INPP4B: variants seen among roughly 807,000 people sequenced by gnomAD.
INPP4B encodes inositol polyphosphate-4-phosphatase type II B, also known as inositol polyphosphate 4-phosphatase type II.
A neutral mutation model predicts 122.5 loss-of-function variants in INPP4B; 55 were observed. The ratio of observed to expected loss-of-function variants is 0.45; its 90% confidence interval spans 0.36 to 0.56. INPP4B has a LOEUF of 0.56. INPP4B is among the 20% of genes least tolerant of loss of function. The probability of loss-of-function intolerance (pLI) is 0.00; values close to 1 mark genes in which losing one functional copy is unlikely to be tolerated. For missense variants in INPP4B, 1,000 were observed against 1,097.7 expected (o/e 0.91, Z 1.26); for synonymous variants, 403 against 388.7 (o/e 1.04, Z -0.43).
intron 17 of INPP4B, among the ~76,000 whole-genome samples, chr4:142,149,766 T>C (rs1812806015): frequency 6.6e-6 from 1 of 152,302 alleles, no homozygotes; most frequent in African/African-American, 2.4e-5. Flanking sequence ...TAAGCAGGGA[T>C]AGAGCAGTCA....
At chr4:142,276,734 C>T (rs1367600379) in intron 9 of INPP4B, among the ~76,000 whole-genome samples, 2 of 151,854 alleles carry the variant, frequency 1.3e-5, no homozygotes, top group African/African-American at 2.4e-5. Flanking sequence ...AAATGTTGAT[C>T]ATCAGTTTTT....
intron 2 of INPP4B, among the ~76,000 whole-genome samples, chr4:142,677,918 A>G (rs1404222919): frequency 1.6e-4 from 24 of 150,834 alleles, no homozygotes; most frequent in Admixed American, 1.2e-3. Context: ...GCAGCAAACC[A>G]CTATGGCACA....
intron 2 of INPP4B, among the ~76,000 whole-genome samples, chr4:142,515,439 CT>C (rs974365454): frequency 2.6e-5 from 4 of 151,922 alleles, no homozygotes; most frequent in East Asian, 1.9e-4. Context: ...CATTAAATGC[CT>C]TTTTTTTCAC....
chr4:142,375,948 A>C (rs1664784887), intron 7 of INPP4B, among the ~76,000 whole-genome samples: 1 of 151,966 alleles, frequency 6.6e-6, no homozygotes, highest in Non-Finnish European at 1.5e-5. Context: ...CTAGACAATA[A>C]AAATCTTGTC....
intron 2 of INPP4B, among the ~76,000 whole-genome samples, chr4:142,555,385 C>T (rs1453985234): frequency 6.6e-6 from 1 of 152,080 alleles, no homozygotes; most frequent in Non-Finnish European, 1.5e-5. Context: ...GCAGCTATAG[C>T]ATTGGAGAAA....
chr4:142,529,974 T>C (rs1274264902), intron 2 of INPP4B, among the ~76,000 whole-genome samples: 2 of 152,122 alleles, frequency 1.3e-5, no homozygotes, highest in Non-Finnish European at 2.9e-5. Context: ...GCTACTTCCA[T>C]CACTGTTCAT....
intron 1 of INPP4B, among the ~76,000 whole-genome samples, chr4:142,824,128 C>A (rs2151161970): frequency 6.6e-6 from 1 of 152,084 alleles, no homozygotes; most frequent in African/African-American, 2.4e-5. Context: ...AACCATGGCC[C>A]CCCCAGGTTC....
At chr4:142,644,529 A>C (rs1426574593) in intron 2 of INPP4B, among the ~76,000 whole-genome samples, 1 of 151,994 alleles carries the variant, frequency 6.6e-6, no homozygotes, top group African/African-American at 2.4e-5. Flanking sequence ...ATTATTGTCA[A>C]CTAGCTTTAG....
intron 1 of INPP4B, among the ~76,000 whole-genome samples, chr4:142,730,284 C>T (rs1470770559): frequency 6.6e-6 from 1 of 152,134 alleles, no homozygotes; most frequent in African/African-American, 2.4e-5. Flanking sequence ...TTTCCAATTT[C>T]ACATCATATG....
chr4:142,273,596 C>T (rs890006964), intron 9 of INPP4B, among the ~76,000 whole-genome samples: 9 of 151,764 alleles, frequency 5.9e-5, no homozygotes, highest in Admixed American at 2.6e-4. Flanking sequence ...TCTATCTATT[C>T]CCTTTCTTAA....
intron 25 of INPP4B, among the ~76,000 whole-genome samples, chr4:142,044,507 G>A (rs111285101): frequency 1.3e-5 from 2 of 152,128 alleles, no homozygotes; most frequent in African/African-American, 4.8e-5. Flanking sequence ...ACTTTCAGTC[G>A]AATTTTAGGA....
intron 24 of INPP4B, among the ~76,000 whole-genome samples, chr4:142,084,995 A>G (rs2152540994): frequency 6.6e-6 from 1 of 152,334 alleles, no homozygotes. Flanking sequence ...CTTAGAAGAT[A>G]CAAAGAGCAG....
intron 25 of INPP4B, among the ~76,000 whole-genome samples, chr4:142,033,831 A>AT (rs1365366072): frequency 2.4e-5 from 1 of 41,932 alleles, no homozygotes; most frequent in African/African-American, 5.0e-5. Flanking sequence ...TGCGCAGCTA[A>AT]TTTTTGTGTT....
chr4:142,329,324 G>A (rs1204535365), intron 7 of INPP4B, among the ~76,000 whole-genome samples: 3 of 152,144 alleles, frequency 2.0e-5, no homozygotes, highest in African/African-American at 7.2e-5. Context: ...TTAGGCCAAT[G>A]CAACATCAAG....
At chr4:142,389,003 A>T (rs1796827370) in intron 7 of INPP4B, among the ~76,000 whole-genome samples, 3 of 152,160 alleles carry the variant, frequency 2.0e-5, no homozygotes, top group Admixed American at 2.0e-4. Context: ...CTGTTATCCC[A>T]GGACTTTGGG....
At chr4:142,462,067 T>G (rs1286537612) in intron 3 of INPP4B, among the ~76,000 whole-genome samples, 1 of 152,190 alleles carries the variant, frequency 6.6e-6, no homozygotes, top group Admixed American at 6.5e-5. Context: ...ATTATTTTCT[T>G]TCTTTTTTTT....
intron 25 of INPP4B, among the ~76,000 whole-genome samples, chr4:142,042,840 C>A (rs1292080452): frequency 6.6e-6 from 1 of 152,134 alleles, no homozygotes; most frequent in African/African-American, 2.4e-5. Context: ...GGATTACAGG[C>A]ATGAGCCACC....
intron 1 of INPP4B, among the ~76,000 whole-genome samples, chr4:142,830,204 T>A (rs1227163293): frequency 6.6e-6 from 1 of 152,188 alleles, no homozygotes; most frequent in Non-Finnish European, 1.5e-5. Flanking sequence ...ATATTTTATA[T>A]TCAAAAATTA....
At chr4:142,843,289 T>G (rs959362027) in intron 1 of INPP4B, among the ~76,000 whole-genome samples, 2 of 151,876 alleles carry the variant, frequency 1.3e-5, no homozygotes, top group African/African-American at 4.8e-5. Context: ...TAATCTCATT[T>G]CTGAAGCCTA....
Sources: allele counts gnomAD v4.1 joint callset (sites outside exome capture counted in the v4.1 genomes callset), GRCh38; gene constraint gnomAD v4.1.1; transcripts MANE v1.5; gene names NCBI Gene and HGNC (gene_info 2026-07-23, HGNC 2026-07-21).